MYO1D: variants seen among roughly 807,000 people sequenced by gnomAD.
MYO1D encodes the protein unconventional myosin-Id.
Under a neutral mutation model 122.0 loss-of-function variants are expected in MYO1D, and 83 were observed. The observed-to-expected ratio is 0.68, with a 90% confidence interval of 0.57 to 0.82. MYO1D has a LOEUF of 0.82. MYO1D is among the 40% of genes least tolerant of loss of function. The pLI is 0.00. For missense variants in MYO1D, 1,157 were observed against 1,269.5 expected (o/e 0.91, Z 1.35); for synonymous variants, 464 against 446.9 (o/e 1.04, Z -0.48).
At chr17:32,659,510 T>C in intron 16 of MYO1D, 172 bp from the exon 17 acceptor site, 1 of 624,634 alleles carries the variant, frequency 1.6e-6, no homozygotes, top group Non-Finnish European at 2.8e-6. Flanking sequence ...ACAGATGGCG[T>C]GGGGAGTCAC....
rs140407202 is a variant in MYO1D, at chr17:32,597,701, A to G, written c.2864+7386T>C. Among the ~76,000 whole-genome samples, 530 of 151,692 alleles carry G rather than the reference A, an allele frequency of 3.5e-3. 13 individuals are homozygous for G. Among genetic ancestry groups the G allele is most frequent in the Admixed American group, 0.024 (360 of 15,238 alleles). On this transcript the variant is annotated intron_variant, in intron 21 of 21. Coordinates refer to ENST00000318217, the MANE Select transcript of MYO1D (RefSeq NM_015194.3). The stretch of plus-strand genomic sequence containing the variant: ...AGCCTGGCCAAAATGGTGAAACCCC[A>G]TCTCTACTAAAACTATAAAAATTAG...
chr17:32,515,104 G>A (rs2082473332), intron 21 of MYO1D, among the ~76,000 whole-genome samples: 1 of 152,184 alleles, frequency 6.6e-6, no homozygotes, highest in Non-Finnish European at 1.5e-5. Flanking sequence ...TGTTAATGGA[G>A]TAAGCGCTTG....
At chr17:32,837,514 CA>C (rs2090839628) in intron 1 of MYO1D, among the ~76,000 whole-genome samples, 1 of 152,072 alleles carries the variant, frequency 6.6e-6, no homozygotes, top group African/African-American at 2.4e-5. Context: ...TAGGTGGGCA[CA>C]AATAGACTAT....
chr17:32,531,786 G>A (rs540485956), intron 21 of MYO1D, among the ~76,000 whole-genome samples: 12 of 152,350 alleles, frequency 7.9e-5, no homozygotes, highest in Admixed American at 5.2e-4. Flanking sequence ...TGATCAGCAT[G>A]GGGAAGTGCA....
intron 16 of MYO1D, among the ~76,000 whole-genome samples, chr17:32,696,801 A>G (rs2089179213): frequency 6.6e-6 from 1 of 152,188 alleles, no homozygotes; most frequent in African/African-American, 2.4e-5. Context: ...AGAAAACAAT[A>G]TTTGTTTGAA....
Position 32,760,588 on chromosome 17 carries a change from T to G in MYO1D, c.1075A>C (p.Ile359Leu). Reference sequence around the variant, plus strand: ...TTCTTGACCTCAATAATATCATTGATGCGAGTAACGATCCAACAAAAAAGG... The same window carrying G: ...TTCTTGACCTCAATAATATCATTGAGGCGAGTAACGATCCAACAAAAAAGG... The part of the protein sequence containing the change: ...ERLFCWIVTR[I>L]NDIIEVKNYD... The change falls in exon 9 of 22, where the codon ATC (isoleucine) becomes CTC (leucine). Residue 359 changes from isoleucine (I) to leucine (L), a missense_variant. Transcript: ENST00000318217. 2 of 1,613,166 alleles carry G rather than the reference T, an allele frequency of 1.2e-6. No homozygotes were observed. Among genetic ancestry groups the G allele is most frequent in the Non-Finnish European group, 1.7e-6 (2 of 1,179,560 alleles).
chr17:32,625,598 G>A (rs2087917526), intron 20 of MYO1D, among the ~76,000 whole-genome samples: 1 of 151,766 alleles, frequency 6.6e-6, no homozygotes, highest in Non-Finnish European at 1.5e-5. Flanking sequence ...TGCCCAGGCT[G>A]GAGTGCAATG....
chr17:32,676,114 G>A (rs1195290546), intron 16 of MYO1D, among the ~76,000 whole-genome samples: 1 of 152,052 alleles, frequency 6.6e-6, no homozygotes, highest in East Asian at 1.9e-4. Flanking sequence ...ATAAATTCAA[G>A]CACATGAATG....
At chr17:32,577,349 C>T (rs973214399) in intron 21 of MYO1D, among the ~76,000 whole-genome samples, 9 of 151,852 alleles carry the variant, frequency 5.9e-5, no homozygotes, top group African/African-American at 1.9e-4. Flanking sequence ...CAGGGCTGGT[C>T]GTGAACTCCT....
At chr17:32,826,815 C>G (rs138267739) in intron 1 of MYO1D, among the ~76,000 whole-genome samples, 4 of 152,150 alleles carry the variant, frequency 2.6e-5, no homozygotes, top group African/African-American at 9.6e-5. Flanking sequence ...TTCATAATTT[C>G]CAGCTAAATT....
At chr17:32,792,480 T>C (rs2090363869) in intron 1 of MYO1D, 1 of 152,232 alleles carries the variant, frequency 6.6e-6, no homozygotes, top group Non-Finnish European at 1.5e-5. Flanking sequence ...AGTTCTTAGA[T>C]GAGAATCTCT....
At chr17:32,805,436 C>T (rs554955025) in intron 1 of MYO1D, among the ~76,000 whole-genome samples, 1 of 152,232 alleles carries the variant, frequency 6.6e-6, no homozygotes, top group East Asian at 1.9e-4. Flanking sequence ...AGTGTACAGT[C>T]ATTGCAAACC....
intron 1 of MYO1D, among the ~76,000 whole-genome samples, chr17:32,796,108 C>T (rs1247123760): frequency 6.6e-6 from 1 of 152,150 alleles, no homozygotes; most frequent in African/African-American, 2.4e-5. Context: ...TCTCTTTCAA[C>T]CAACAATAAA....
At chr17:32,793,137 A>T (rs949802322) in intron 1 of MYO1D, among the ~76,000 whole-genome samples, 1 of 151,926 alleles carries the variant, frequency 6.6e-6, no homozygotes, top group Non-Finnish European at 1.5e-5. Flanking sequence ...GGCACTTAAG[A>T]AGCACCACCA....
chr17:32,611,154 C>T (rs2087695918), intron 20 of MYO1D, among the ~76,000 whole-genome samples: 7 of 152,200 alleles, frequency 4.6e-5, no homozygotes, highest in Admixed American at 4.6e-4. Context: ...CAGATGTCCT[C>T]TCCTCCTCTG....
In MYO1D at chr17:32,780,735, C is replaced by A; in HGVS notation, c.145G>T (p.Val49Leu). 1 of 1,614,158 alleles carries A rather than the reference C, an allele frequency of 6.2e-7. No individual in the cohort carries two copies. The highest frequency in any genetic ancestry group is 1.1e-5 in the South Asian group (1 of 91,080). The stretch of plus-strand genomic sequence containing the variant: ...ATGTTCAACAACTTGTAAGGGTTCA[C>A]AGAAACGACGACTTCTCCAATGAAC... ...YTFIGEVVVS[V>L]NPYKLLNIYG... The change falls in exon 2 of 22, where the codon GTG (valine) becomes TTG (leucine). Residue 49 changes from valine (V) to leucine (L), a missense_variant. By Grantham distance (32) the Val-to-Leu change is conservative (BLOSUM62 1). Coordinates refer to ENST00000318217, the MANE Select transcript of MYO1D (RefSeq NM_015194.3).
intron 20 of MYO1D, 29 bp downstream of exon 20, chr17:32,638,693 T>G: frequency 6.6e-7 from 1 of 1,504,008 alleles, no homozygotes; most frequent in Non-Finnish European, 9.2e-7. Context: ...TTAAGAATCT[T>G]TATCCAGAGA....
intron 20 of MYO1D, among the ~76,000 whole-genome samples, chr17:32,632,950 T>G (rs758395989): frequency 2.6e-5 from 4 of 151,602 alleles, no homozygotes; most frequent in Non-Finnish European, 4.4e-5. Context: ...AAAAATGATC[T>G]CCCCCGCACA....
At chr17:32,672,628 G>A (rs1417820699) in intron 16 of MYO1D, among the ~76,000 whole-genome samples, 1 of 152,030 alleles carries the variant, frequency 6.6e-6, no homozygotes, top group Non-Finnish European at 1.5e-5. Context: ...TGGGATTATA[G>A]GCATGCACCA....
Sources: allele counts gnomAD v4.1 joint callset (sites outside exome capture counted in the v4.1 genomes callset), GRCh38; gene constraint gnomAD v4.1.1; transcripts MANE v1.5; gene names NCBI Gene and HGNC (gene_info 2026-07-23, HGNC 2026-07-21).